Variants in NRXN3 observed in about 807,000 individuals in gnomAD.
NRXN3 encodes neurexin III.
A neutral mutation model predicts 137.6 loss-of-function variants in NRXN3; 32 were observed. The ratio of observed to expected loss-of-function variants is 0.23; its 90% confidence interval spans 0.18 to 0.31. NRXN3 has a LOEUF of 0.31. Among genes scored for constraint, NRXN3 ranks in the 10% least tolerant of loss-of-function variants. NRXN3 has a pLI of 1.00. For synonymous variants in NRXN3, 798 were observed against 784.5 expected, an observed-to-expected ratio of 1.02 and a Z score of -0.29; for missense variants, 1,574 against 2,062.5, an observed-to-expected ratio of 0.76 and a Z score of 4.59.
At chr14:79,609,324 A>G (rs1039009841) in intron 16 of NRXN3, among the ~76,000 whole-genome samples, 2 of 152,202 alleles carry the variant, frequency 1.3e-5, no homozygotes, top group Non-Finnish European at 2.9e-5. Flanking sequence ...AAACCAGAAT[A>G]TATATTCTTT....
At chr14:79,375,235 G>GTT (rs35994648) in intron 15 of NRXN3, among the ~76,000 whole-genome samples, 4,394 of 129,928 alleles carry the variant, frequency 0.034, 124 homozygotes, top group Admixed American at 0.081. Context: ...GAGTTTTTGT[G>GTT]TTTTTTTTTT....
intron 10 of NRXN3, among the ~76,000 whole-genome samples, chr14:78,840,933 T>C (rs2099010626): frequency 6.6e-6 from 1 of 152,208 alleles, no homozygotes; most frequent in Non-Finnish European, 1.5e-5. Flanking sequence ...TGTTAAGCAA[T>C]TCACACACAT....
chr14:78,533,152 T>C (rs1410665014), intron 4 of NRXN3, among the ~76,000 whole-genome samples: 1 of 140,940 alleles, frequency 7.1e-6, no homozygotes, highest in Non-Finnish European at 1.5e-5. Flanking sequence ...CAGGGTGGAG[T>C]GCAGTGGTGC....
At chr14:79,749,414 T>C (rs931755747) in intron 19 of NRXN3, among the ~76,000 whole-genome samples, 5 of 147,762 alleles carry the variant, frequency 3.4e-5, no homozygotes, top group Non-Finnish European at 1.5e-5. Context: ...ATTGCTGTTT[T>C]CTGCTTCCAA....
At chr14:79,635,021 A>G (rs1332364359) in intron 16 of NRXN3, among the ~76,000 whole-genome samples, 1 of 152,202 alleles carries the variant, frequency 6.6e-6, no homozygotes, top group Non-Finnish European at 1.5e-5. Flanking sequence ...TAGGGTAACT[A>G]GAGTTAACAA....
chr14:78,588,555 A>G lies in NRXN3; in HGVS notation c.758-56565A>G, dbSNP rs116461919. Among the ~76,000 whole-genome samples the G allele has an allele frequency of 5.2e-3, 788 of 152,312 alleles. 9 individuals carry two copies. The highest frequency in any genetic ancestry group is 0.018 in the African/African-American group (748 of 41,570). On this transcript the variant is annotated intron_variant, in intron 4 of 20. Transcript: ENST00000335750. ...CTAGGCTTGGCTCTGCCACTAAGTGACTATGTAGAACTAGGCAAATCTCTT... is the reference window on the plus strand; with the variant it reads ...CTAGGCTTGGCTCTGCCACTAAGTGGCTATGTAGAACTAGGCAAATCTCTT...
chr14:79,205,459 A>G (rs1257003475), intron 15 of NRXN3, among the ~76,000 whole-genome samples: 1 of 152,174 alleles, frequency 6.6e-6, no homozygotes, highest in Non-Finnish European at 1.5e-5. Context: ...ACTGCTGCCT[A>G]AAAAGTTTGT....
At chr14:79,242,857 T>C (rs1473535179) in intron 15 of NRXN3, among the ~76,000 whole-genome samples, 4 of 152,188 alleles carry the variant, frequency 2.6e-5, no homozygotes. Context: ...TGCTGAGGCA[T>C]AACAGTGGAG....
rs554867452 is a variant in NRXN3, at chr14:78,526,739, G to A, written c.758-118381G>A. ...TTTGTACAATAATCCTAAGAGGTAG[G>A]TAGGGATGATGACTATTTATAGACA... On this transcript the variant is annotated intron_variant, in intron 4 of 20. Transcript: ENST00000335750. The A allele has an allele frequency of 1.6e-4, 82 of 517,690 alleles. 1 individual carries two copies. The highest frequency in any genetic ancestry group is 1.1e-3 in the South Asian group (79 of 70,906). 32.1% of individuals were successfully genotyped at this position (517,690 alleles called of 1,614,324 possible). A position where few individuals can be genotyped will look rare whatever the true frequency, so the allele number is the denominator to read the frequency against.
At chr14:79,138,294 C>T (rs1442071561) in intron 15 of NRXN3, among the ~76,000 whole-genome samples, 3 of 152,190 alleles carry the variant, frequency 2.0e-5, no homozygotes. Flanking sequence ...GCTGGGACCA[C>T]AGGCATGTGC....
At chr14:79,247,919 A>G (rs550610613) in intron 15 of NRXN3, among the ~76,000 whole-genome samples, 40 of 152,054 alleles carry the variant, frequency 2.6e-4, no homozygotes, top group Admixed American at 3.3e-4. Flanking sequence ...CTCTAAATTC[A>G]CATTTCACCA....
intron 15 of NRXN3, among the ~76,000 whole-genome samples, chr14:79,309,046 G>A (rs2086705202): frequency 2.9e-5 from 3 of 101,954 alleles, no homozygotes; most frequent in East Asian, 5.5e-4. Context: ...GTGTCATCTA[G>A]CATTAGGTAT....
chr14:78,204,905 G>A (rs1004990375), intron 1 of NRXN3, among the ~76,000 whole-genome samples: 4 of 152,156 alleles, frequency 2.6e-5, no homozygotes, highest in African/African-American at 9.7e-5. Flanking sequence ...CACGTTCTTT[G>A]AGGTTTGTGG....
chr14:78,406,160 A>C (rs1474274189), intron 4 of NRXN3, among the ~76,000 whole-genome samples: 3 of 152,220 alleles, frequency 2.0e-5, no homozygotes, highest in African/African-American at 7.2e-5. Flanking sequence ...AGAAATTAAG[A>C]TGGGCTTTGA....
At chr14:78,692,627 T>C (rs1187667423) in intron 6 of NRXN3, among the ~76,000 whole-genome samples, 1 of 152,028 alleles carries the variant, frequency 6.6e-6, no homozygotes, top group African/African-American at 2.4e-5. Context: ...GCTTTGGGAG[T>C]CAGATGGACT....
intron 15 of NRXN3, among the ~76,000 whole-genome samples, chr14:79,403,258 C>T (rs568779014): frequency 6.6e-6 from 1 of 152,282 alleles, no homozygotes; most frequent in Non-Finnish European, 1.5e-5. Context: ...CGGACATATG[C>T]ATGGGCCTCC....
chr14:78,271,817 A>G (rs868051538), intron 2 of NRXN3, among the ~76,000 whole-genome samples: 5 of 152,300 alleles, frequency 3.3e-5, no homozygotes, highest in Middle Eastern at 3.4e-3. Flanking sequence ...ATGAAGGTAG[A>G]TGAATGGACC....
At chr14:79,174,501 T>TTATATATATATATATATA (rs68143466) in intron 15 of NRXN3, among the ~76,000 whole-genome samples, 21 of 143,552 alleles carry the variant, frequency 1.5e-4, no homozygotes, top group Middle Eastern at 3.6e-3. Context: ...ATTGAAAGTT[T>TTATATATATATATATATA]TATATATATA....
chr14:78,206,330 A>G (rs185431802), intron 1 of NRXN3, among the ~76,000 whole-genome samples: 57 of 152,292 alleles, frequency 3.7e-4, no homozygotes, highest in South Asian at 1.0e-3. Flanking sequence ...CAGACACAGT[A>G]TCCCATGAAA....
Sources: gnomAD v4.1 joint callset for allele counts (sites outside exome capture counted in the v4.1 genomes callset) on GRCh38, gnomAD v4.1.1 for gene constraint, MANE v1.5 for transcripts, NCBI Gene and HGNC (gene_info 2026-07-23, HGNC 2026-07-21) for gene names.